The following BMP15 variants were observed in gnomAD, a reference collection of about 807,000 sequenced individuals.
BMP15 encodes the protein growth/differentiation factor 9B.
A neutral mutation model predicts 4.4 loss-of-function variants in BMP15; 5 were observed. That is an observed-to-expected ratio of 1.13 (90% CI 0.59 to 2.38). The LOEUF (loss-of-function observed/expected upper bound fraction) is 2.38. Among genes scored for constraint, BMP15 ranks in the 30% most tolerant of loss-of-function variants. The pLI is 0.01. For synonymous variants in BMP15, 125 were observed against 114.6 expected (o/e 1.09, Z -0.58); for missense variants, 339 against 309.8 (o/e 1.09, Z -0.71).
chrX:50,914,039 C>T (rs981601856), intron 1 of BMP15, among the ~76,000 whole-genome samples: 2 of 111,719 alleles, frequency 1.8e-5, no homozygotes, highest in East Asian at 2.8e-4. Flanking sequence ...GGCACAAACT[C>T]GGCTCACTAC....
Position 50,911,034 on chromosome X carries a change from C to G in BMP15, c.251C>G (p.Pro84Arg). 1.7e-6 allele frequency: 2 copies of G among 1,199,106 alleles called. No individual in the cohort carries two copies. The highest frequency in any genetic ancestry group is 2.2e-6 in the Non-Finnish European group (2 of 889,103). ...CGTTCAGCTGACTCGCATGGGCACCCTAGAGAGAACCGCACCATTGGGGCC... is the reference window on the plus strand; with the variant it reads ...CGTTCAGCTGACTCGCATGGGCACCGTAGAGAGAACCGCACCATTGGGGCC... The part of the protein sequence containing the change: ...YRRSADSHGH[P>R]RENRTIGATM... The change falls in exon 1 of 2, where the codon CCT becomes CGT. Residue 84 changes from proline to arginine, a missense_variant. Coordinates refer to ENST00000252677, the MANE Select transcript of BMP15 (RefSeq NM_005448.2).
chrX:50,915,830 T>A lies in BMP15; in HGVS notation c.402T>A (p.Thr134=). 1 of 1,211,605 alleles carries A rather than the reference T, an allele frequency of 8.3e-7. No individual in the cohort carries two copies. Among genetic ancestry groups the A allele is most frequent in the South Asian group, 1.8e-5 (1 of 56,940 alleles). The change falls in exon 2 of 2, where the codon ACT becomes ACA. Residue 134 remains threonine, a synonymous_variant. Transcript: ENST00000252677. ...GACTATACCAACTAGTTAGAGCCAC[T>A]GTGGTTTACCGCCATCATCTCCAAC... is the stretch of plus-strand genomic sequence containing the variant. The part of the protein sequence containing the change: ...NRGLYQLVRA[T]VVYRHHLQLT...
At chrX:50,915,610 G>A (rs1183792257) in intron 1 of BMP15, 147 bp from the exon 2 acceptor site, 5 of 685,233 alleles carry the variant, frequency 7.3e-6, no homozygotes, top group African/African-American at 2.1e-5. Context: ...GTATTAGTAA[G>A]TGCTCAGTAA....
At chrX:50,912,073 C>G (rs1374800273) in intron 1 of BMP15, among the ~76,000 whole-genome samples, 2 of 111,646 alleles carry the variant, frequency 1.8e-5, no homozygotes, top group African/African-American at 3.3e-5. Context: ...CCAAGCAAAA[C>G]AATAAATATT....
chrX:50,916,177 C>A lies in BMP15; in HGVS notation c.749C>A (p.Pro250His). The stretch of plus-strand genomic sequence containing the variant: ...AGCATTCGGAAGGCTAAATTTCTTC[C>A]CAGGGGCATGGAGGAGTTCATGGAA... ...HKSIRKAKFL[P>H]RGMEEFMERE... is the part of the protein sequence containing the mutation. The change falls in exon 2 of 2, where the codon CCC (proline) becomes CAC (histidine). Residue 250 changes from proline (P) to histidine (H), a missense_variant. Coordinates refer to ENST00000252677, the MANE Select transcript of BMP15 (RefSeq NM_005448.2). 1 of 1,209,250 alleles carries A rather than the reference C, an allele frequency of 8.3e-7. No homozygotes were observed. The highest frequency in any genetic ancestry group is 1.1e-6 in the Non-Finnish European group (1 of 895,468).
At chrX:50,914,414 T>C (rs1229883128) in intron 1 of BMP15, among the ~76,000 whole-genome samples, 1 of 112,018 alleles carries the variant, frequency 8.9e-6, no homozygotes, top group Admixed American at 9.4e-5. Flanking sequence ...CAAAACCCTG[T>C]CTCTACAAAA....
At position 50,916,341 on chromosome X, in the gene BMP15, T is replaced by C; in HGVS notation, c.913T>C (p.Trp305Arg). ...PFQISFRQLG[W>R]DHWIIAPPFY... is the part of the protein sequence containing the mutation. ...CCAAATCAGCTTCCGCCAGCTGGGT[T>C]GGGATCACTGGATCATTGCTCCCCC... The change falls in exon 2 of 2, where the codon TGG becomes CGG. Residue 305 changes from tryptophan to arginine, a missense_variant. By Grantham distance (101) the Trp-to-Arg change is moderately radical. Transcript: ENST00000252677. The C allele has an allele frequency of 8.4e-7, 1 of 1,193,122 alleles. No homozygotes were observed.
In BMP15 at chrX:50,910,805, A is replaced by G; in HGVS notation, c.22A>G (p.Arg8Gly). The G allele has an allele frequency of 8.3e-7, 1 of 1,208,294 alleles. No individual in the cohort carries two copies. The highest frequency in any genetic ancestry group is 1.8e-5 in the South Asian group (1 of 56,180). Residue 8 changes from arginine to glycine, a missense_variant, in exon 1 of 2, where the codon AGA (arginine) becomes GGA (glycine). Transcript: ENST00000252677. ...CAAGATGGTCCTCCTCAGTATTCTT[A>G]GAATTCTTTTTCTTTGTGAACTCGT... Reference protein sequence around the residue: MVLLSILRILFLCELVLF... With the variant: MVLLSILGILFLCELVLF...
At chrX:50,914,184 C>A (rs1209131715) in intron 1 of BMP15, among the ~76,000 whole-genome samples, 4 of 111,374 alleles carry the variant, frequency 3.6e-5, no homozygotes, top group Admixed American at 9.5e-5. Context: ...GTTGGCCAGG[C>A]TGGTCTCAAA....
In BMP15 at chrX:50,915,915, C is replaced by A; in HGVS notation, c.487C>A (p.His163Asn). The change falls in exon 2 of 2, where the codon CAC (histidine) becomes AAC (asparagine). Residue 163 changes from histidine to asparagine, a missense_variant. Coordinates refer to ENST00000252677, the MANE Select transcript of BMP15 (RefSeq NM_005448.2). ...EPWVQKNPTNHFPSSEGDSSK... is the reference protein window; with the variant it reads ...EPWVQKNPTNNFPSSEGDSSK... ...CTGGGTGCAGAAAAACCCAACCAAC[C>A]ACTTCCCTTCCTCAGAAGGAGATTC... 1 of 1,211,784 alleles carries A rather than the reference C, an allele frequency of 8.3e-7. No individual in the cohort carries two copies. The highest frequency in any genetic ancestry group is 1.1e-6 in the Non-Finnish European group (1 of 895,500).
chrX:50,914,022 G>C (rs972348536), intron 1 of BMP15, among the ~76,000 whole-genome samples: 10 of 111,921 alleles, frequency 8.9e-5, no homozygotes, highest in Non-Finnish European at 1.7e-4. Context: ...CCAGGCTGGA[G>C]TGCAGTGGCA....
chrX:50,910,902 CT>C lies in BMP15; in HGVS notation c.120del (p.Thr41LeufsTer4). ...TCTATTGCCCTTCTGGCTGAGGCCCCTACTTTGCCCCTGATTGAGGAGCTGC... is the reference window on the plus strand; with the variant it reads ...TCTATTGCCCTTCTGGCTGAGGCCCCACTTTGCCCCTGATTGAGGAGCTGC... Reference protein sequence around the residue: ...QSSIALLAEAPTLPLIEELLE... With the variant: ...QSSIALLAEAXTLPLIEELLE... On this transcript the variant is annotated frameshift_variant, in exon 1 of 2. Coordinates refer to ENST00000252677, the MANE Select transcript of BMP15 (RefSeq NM_005448.2). LOFTEE classifies it high-confidence loss of function. 1 of 1,201,129 alleles carries C rather than the reference CT, an allele frequency of 8.3e-7. No homozygotes were observed.
rs1922997048 is a variant in BMP15, at chrX:50,910,808, A to T, written c.25A>T (p.Ile9Phe). ...GATGGTCCTCCTCAGTATTCTTAGAATTCTTTTTCTTTGTGAACTCGTGCT... is the reference window on the plus strand; with the variant it reads ...GATGGTCCTCCTCAGTATTCTTAGATTTCTTTTTCTTTGTGAACTCGTGCT... The part of the protein sequence containing the change: MVLLSILR[I>F]LFLCELVLFM... The change falls in exon 1 of 2, where the codon ATT (isoleucine) becomes TTT (phenylalanine). Residue 9 changes from isoleucine (I) to phenylalanine (F), a missense_variant. Ile to Phe is a conservative substitution (Grantham distance 21, BLOSUM62 0). Transcript: ENST00000252677. 7 of 1,207,153 alleles carry T rather than the reference A, an allele frequency of 5.8e-6. No individual in the cohort carries two copies. The South Asian group carries it at 1.2e-4, about 22-fold the overall frequency.
chrX:50,916,339 G>A lies in BMP15; in HGVS notation c.911G>A (p.Gly304Asp), dbSNP rs201266344. 3.4e-5 allele frequency: 40 copies of A among 1,191,204 alleles called. No homozygotes were observed. The highest frequency in any genetic ancestry group is 4.3e-5 in the Non-Finnish European group (38 of 884,973). The change falls in exon 2 of 2, where the codon GGT becomes GAT. Residue 304 changes from glycine (G) to aspartate (D), a missense_variant. Gly to Asp is a moderately conservative substitution (Grantham distance 94). Coordinates refer to ENST00000252677, the MANE Select transcript of BMP15 (RefSeq NM_005448.2). ...HPFQISFRQL[G>D]WDHWIIAPPF... Reference sequence around the variant, plus strand: ...TTCCAAATCAGCTTCCGCCAGCTGGGTTGGGATCACTGGATCATTGCTCCC... The same window carrying A: ...TTCCAAATCAGCTTCCGCCAGCTGGATTGGGATCACTGGATCATTGCTCCC...
intron 1 of BMP15, among the ~76,000 whole-genome samples, chrX:50,914,024 G>A (rs1923068235): frequency 8.9e-6 from 1 of 111,927 alleles, no homozygotes; most frequent in Non-Finnish European, 1.9e-5. Context: ...AGGCTGGAGT[G>A]CAGTGGCACA....
At chrX:50,915,144 T>C (rs902912066) in intron 1 of BMP15, among the ~76,000 whole-genome samples, 5 of 111,305 alleles carry the variant, frequency 4.5e-5, no homozygotes, top group African/African-American at 1.6e-4. Flanking sequence ...TAGAGGATGA[T>C]AGACAAAATT....
At position 50,916,415 on chromosome X, in the gene BMP15, C is replaced by T. The variant is rs782003640; in HGVS notation, c.987C>T (p.Arg329=). 1.7e-5 allele frequency: 21 copies of T among 1,209,004 alleles called. No homozygotes were observed. The East Asian group carries it at 2.1e-4, about 12-fold the overall frequency. ...YCKGTCLRVL[R]DGLNSPNHAI... ...AAGGAACTTGTCTCCGAGTACTACG[C>T]GATGGTCTCAATTCCCCCAATCACG... The change falls in exon 2 of 2, where the codon CGC becomes CGT. Residue 329 remains arginine (R), a synonymous_variant. Coordinates refer to ENST00000252677, the MANE Select transcript of BMP15 (RefSeq NM_005448.2).
intron 1 of BMP15, among the ~76,000 whole-genome samples, chrX:50,913,336 A>G (rs1174537733): frequency 2.7e-5 from 3 of 111,078 alleles, no homozygotes; most frequent in East Asian, 5.7e-4. Flanking sequence ...GGCTGAGACC[A>G]GAGGATCATT....
intron 1 of BMP15, among the ~76,000 whole-genome samples, chrX:50,911,479 C>T (rs1276363322): frequency 8.9e-6 from 1 of 112,043 alleles, no homozygotes; most frequent in Non-Finnish European, 1.9e-5. Context: ...GCGTTTTGCT[C>T]TTAGAGTACA....
Sources: allele counts gnomAD v4.1 joint callset (sites outside exome capture counted in the v4.1 genomes callset), GRCh38; gene constraint gnomAD v4.1.1; transcripts MANE v1.5; gene names NCBI Gene and HGNC (gene_info 2026-07-23, HGNC 2026-07-21).